MAST2: variants seen among roughly 807,000 people sequenced by gnomAD.
The protein encoded by MAST2 is microtubule associated serine/threonine kinase 2.
In MAST2, 70 loss-of-function variants were observed where a neutral mutation model predicts 147.4. The ratio of observed to expected loss-of-function variants is 0.47; its 90% CI spans 0.39 to 0.58. The LOEUF is 0.58. MAST2 is among the 20% of genes least tolerant of loss of function. MAST2 has a pLI of 0.00. For synonymous variants in MAST2, 869 were observed against 896.8 expected (o/e 0.97, Z 0.55); for missense variants, 2,080 against 2,302.3 (o/e 0.90, Z 1.98).
At chr1:45,955,915 T>C (rs1029320638) in intron 4 of MAST2, among the ~76,000 whole-genome samples, 11 of 152,160 alleles carry the variant, frequency 7.2e-5, no homozygotes, top group African/African-American at 2.7e-4. Flanking sequence ...TTTATTGAGG[T>C]ATGATTGGAA....
In MAST2 at chr1:46,000,186, GGTCT is replaced by G. The variant is rs556090502; in HGVS notation, c.668+2390_668+2393del. Reference sequence around the variant, plus strand: ...AAAATTAGCCGGGCATGGTGGTGCAGGTCTGTAATCCTAGCTGCTCGGGAGGCTG... The same window carrying G: ...AAAATTAGCCGGGCATGGTGGTGCAGGTAATCCTAGCTGCTCGGGAGGCTG... On this transcript the variant is annotated intron_variant, in intron 6 of 28. Coordinates refer to ENST00000361297, the MANE Select transcript of MAST2 (RefSeq NM_015112.3). Among the ~76,000 whole-genome samples the G allele has an allele frequency of 8.1e-4, 124 of 152,234 alleles. 1 individual carries two copies. Among genetic ancestry groups the G allele is most frequent in the African/African-American group, 2.8e-3 (117 of 41,542 alleles).
chr1:45,904,924 C>T (rs1650422338), intron 4 of MAST2, among the ~76,000 whole-genome samples: 1 of 152,124 alleles, frequency 6.6e-6, no homozygotes, highest in Non-Finnish European at 1.5e-5. Context: ...TCCCCCACCT[C>T]AGACTCTCAA....
chr1:46,032,676 G>C lies in MAST2; in HGVS notation c.3495G>C (p.Val1165=), dbSNP rs1213344961. 2 of 1,614,192 alleles carry C rather than the reference G, an allele frequency of 1.2e-6. No homozygotes were observed. Among genetic ancestry groups the C allele is most frequent in the Non-Finnish European group, 1.7e-6 (2 of 1,180,014 alleles). The part of the protein sequence containing the change: ...DLITHVNGEP[V]HGLVHTEVVE... ...TCACCCATGTCAATGGGGAACCTGT[G>C]CATGGCCTGGTGCACACGGAGGTGG... Residue 1165 remains valine, a synonymous_variant, in exon 26 of 29, where the codon GTG becomes GTC. Transcript: ENST00000361297.
intron 3 of MAST2, among the ~76,000 whole-genome samples, 178 bp downstream of exon 3, chr1:45,829,759 C>G (rs1413820403): frequency 1.3e-5 from 2 of 151,996 alleles, no homozygotes; most frequent in East Asian, 3.9e-4. Flanking sequence ...GCTTTGTTGC[C>G]CAGGCTGACT....
Position 46,023,726 on chromosome 1 carries a change from C to G in MAST2, c.1572-46C>G. On this transcript the variant is annotated intron_variant, in intron 14 of 28. Coordinates refer to ENST00000361297, the MANE Select transcript of MAST2 (RefSeq NM_015112.3). This position sits in a 1 kb window ranked among gnomAD's most constrained non-coding sequence, Gnocchi z 4.9. ...AGTTTGGGTGGCAGAGAGCACAGCT[C>G]AGGTGCTGAGGGTCCATGGGGGATG... The G allele has an allele frequency of 6.3e-7, 1 of 1,575,512 alleles. No homozygotes were observed. The highest frequency in any genetic ancestry group is 8.7e-7 in the Non-Finnish European group (1 of 1,151,270).
chr1:46,001,952 C>T (rs1184553753), intron 6 of MAST2, among the ~76,000 whole-genome samples: 2 of 152,164 alleles, frequency 1.3e-5, no homozygotes, highest in African/African-American at 4.8e-5. Flanking sequence ...TTGTATCTAA[C>T]TTCAACCAGA....
rs9429087 is a variant in MAST2, at chr1:46,031,157, A to G, written c.2859A>G (p.Gln953=). The change falls in exon 23 of 29, where the codon CAA becomes CAG. Residue 953 remains glutamine, a synonymous_variant. Coordinates refer to ENST00000361297, the MANE Select transcript of MAST2 (RefSeq NM_015112.3). The surrounding 1 kb of genome is among the most constrained non-coding windows in gnomAD (Gnocchi z 4.1). ...PEEASSTLRR[Q]PQEGIWVLTP... is the part of the protein sequence containing the mutation. ...AGGCCAGCAGCACCCTCAGGAGGCA[A>G]CCACAGGAGGGTATATGGGTCCTGA... is the stretch of plus-strand genomic sequence containing the variant. 277 of 1,606,128 alleles carry G rather than the reference A, an allele frequency of 1.7e-4. 3 individuals carry two copies. In the African/African-American group the frequency reaches 3.4e-3, roughly 19 times the overall value.
At chr1:45,993,488 A>G (rs1172192331) in intron 5 of MAST2, among the ~76,000 whole-genome samples, 1 of 152,152 alleles carries the variant, frequency 6.6e-6, no homozygotes, top group Non-Finnish European at 1.5e-5. Context: ...GTTCGAGACC[A>G]GCCTGGCCAA....
At chr1:45,874,399 C>T (rs563634362) in intron 3 of MAST2, among the ~76,000 whole-genome samples, 1 of 152,094 alleles carries the variant, frequency 6.6e-6, no homozygotes, top group East Asian at 1.9e-4. Flanking sequence ...TTTTCTTCCT[C>T]GGTAATATTT....
intron 5 of MAST2, among the ~76,000 whole-genome samples, chr1:45,986,633 T>G (rs533805630): frequency 6.7e-6 from 1 of 148,912 alleles, no homozygotes; most frequent in East Asian, 2.0e-4. Context: ...AGGAGAATGG[T>G]GTGAACCTGG....
intron 3 of MAST2, among the ~76,000 whole-genome samples, chr1:45,851,242 TG>T (rs1401086700): frequency 6.6e-6 from 1 of 152,134 alleles, no homozygotes; most frequent in Non-Finnish European, 1.5e-5. Flanking sequence ...CTATTGTAAA[TG>T]GGACTGCATT....
intron 1 of MAST2, among the ~76,000 whole-genome samples, chr1:45,816,361 C>A (rs1156761067): frequency 6.6e-6 from 1 of 152,128 alleles, no homozygotes; most frequent in Non-Finnish European, 1.5e-5. Flanking sequence ...CTGACAAATA[C>A]CCACAAGCGT....
At chr1:45,940,667 T>C (rs561453678) in intron 4 of MAST2, among the ~76,000 whole-genome samples, 2 of 150,948 alleles carry the variant, frequency 1.3e-5, no homozygotes, top group East Asian at 1.9e-4. Flanking sequence ...TCGCCCAGGC[T>C]GGAGTGCAGT....
intron 3 of MAST2, among the ~76,000 whole-genome samples, chr1:45,864,633 A>G (rs1479039514): frequency 2.0e-5 from 3 of 152,202 alleles, no homozygotes; most frequent in Non-Finnish European, 4.4e-5. Context: ...TCATCTTTTT[A>G]AAAACGTATG....
chr1:46,023,351 G>A lies in MAST2; in HGVS notation c.1571+33G>A. ...CAGGGGTCAGGGTGTGGCCAGGACTGAAGCCGGGTCAGCCTTTGATCTCTT... is the reference window on the plus strand; with the variant it reads ...CAGGGGTCAGGGTGTGGCCAGGACTAAAGCCGGGTCAGCCTTTGATCTCTT... On this transcript the variant is annotated intron_variant, in intron 14 of 28. Transcript: ENST00000361297. The surrounding 1 kb of genome is among the most constrained non-coding windows in gnomAD (Gnocchi z 4.9). 6.3e-7 allele frequency: 1 copy of A among 1,590,424 alleles called. No homozygotes were observed. The highest frequency in any genetic ancestry group is 8.6e-7 in the Non-Finnish European group (1 of 1,158,964).
At position 46,008,358 on chromosome 1, in the gene MAST2, A is replaced by G. The variant is rs763609946; in HGVS notation, c.965A>G (p.Glu322Gly). ...ATAATGATGAATCATGTTTACAAAG[A>G]AAGATTCCCAAAGGTAAGGATCCAT... ...EIIMMNHVYK[E>G]RFPKATAQME... Residue 322 changes from glutamate to glycine, a missense_variant, in exon 9 of 29, where the codon GAA becomes GGA. Coordinates refer to ENST00000361297, the MANE Select transcript of MAST2 (RefSeq NM_015112.3). 1 of 1,611,868 alleles carries G rather than the reference A, an allele frequency of 6.2e-7. No homozygotes were observed. Among genetic ancestry groups the G allele is most frequent in the South Asian group, 1.1e-5 (1 of 91,010 alleles).
At chr1:45,943,181 G>C (rs2148814183) in intron 4 of MAST2, among the ~76,000 whole-genome samples, 1 of 152,330 alleles carries the variant, frequency 6.6e-6, no homozygotes, top group East Asian at 1.9e-4. Context: ...TGGATGTAAA[G>C]TGTGTGCATG....
At chr1:45,966,040 T>G (rs1008798893) in intron 5 of MAST2, among the ~76,000 whole-genome samples, 2 of 152,210 alleles carry the variant, frequency 1.3e-5, no homozygotes, top group African/African-American at 4.8e-5. Flanking sequence ...TTTCTCCCCT[T>G]AACTCCTGGC....
intron 3 of MAST2, among the ~76,000 whole-genome samples, chr1:45,860,201 T>TACACACACACACACACACACAC (rs777498021): frequency 6.9e-6 from 1 of 144,034 alleles, no homozygotes; most frequent in African/African-American, 2.6e-5. Context: ...CTACTAAAAA[T>TACACACACACACACACACACAC]ACACACACAC....
Sources: gnomAD v4.1 joint callset for allele counts (sites outside exome capture counted in the v4.1 genomes callset) on GRCh38, gnomAD v4.1.1 for gene constraint, Gnocchi (gnomAD v3.1) non-coding constraint, MANE v1.5 for transcripts, NCBI Gene and HGNC (gene_info 2026-07-23, HGNC 2026-07-21) for gene names.